Variants in MICAL3 observed in about 807,000 individuals in gnomAD.
MICAL3 encodes microtubule associated monooxygenase, calponin and LIM domain containing 3.
In MICAL3, 62 loss-of-function variants were observed where a neutral mutation model predicts 207.4. That is an observed-to-expected ratio of 0.30 (90% CI 0.24 to 0.37). The LOEUF is 0.37. Ranked by LOEUF, MICAL3 falls within the 10% of genes least tolerant of loss-of-function variation. The pLI is 1.00. For missense variants in MICAL3, 2,368 were observed against 2,635.6 expected, an observed-to-expected ratio of 0.90 and a Z score of 2.22; for synonymous variants, 1,077 against 1,069.3, an observed-to-expected ratio of 1.01 and a Z score of -0.14.
chr22:17,894,966 G>A (rs1930702274), intron 10 of MICAL3, among the ~76,000 whole-genome samples: 1 of 152,132 alleles, frequency 6.6e-6, no homozygotes, highest in Non-Finnish European at 1.5e-5. Context: ...AACAACACAG[G>A]TGGAAGTTAC....
intron 7 of MICAL3, 105 bp from the exon 8 acceptor site, chr22:17,897,086 C>T: frequency 2.2e-6 from 3 of 1,347,796 alleles, no homozygotes; most frequent in South Asian, 2.8e-5. Context: ...CCTAAAGTGA[C>T]TCCACGTTCC....
At chr22:17,954,269 T>A (rs370844288) in intron 1 of MICAL3, among the ~76,000 whole-genome samples, 2 of 152,104 alleles carry the variant, frequency 1.3e-5, no homozygotes. Flanking sequence ...GACCATCGCA[T>A]TGGGGACCTG....
At chr22:17,914,501 G>A (rs1385934384) in intron 1 of MICAL3, among the ~76,000 whole-genome samples, 1 of 152,144 alleles carries the variant, frequency 6.6e-6, no homozygotes, top group East Asian at 1.9e-4. Flanking sequence ...TAGCCATCAT[G>A]AAAAACCACC....
rs1007490806 is a variant in MICAL3 at position 18,024,439 on chromosome 22, C to T, written c.-233G>A. On this transcript the variant is annotated 5_prime_UTR_variant, in exon 1 of 32. Transcript: ENST00000441493. ...AGCCTCGGGGGCTGCACAGCCCAGC[C>T]CCCTCGCCCAGGGCCCAGGGGTTCT... 5.9e-5 allele frequency: 9 copies of T among 152,136 alleles called. No individual in the cohort carries two copies. Among genetic ancestry groups the T allele is most frequent in the Non-Finnish European group, 1.3e-4 (9 of 68,016 alleles). 9.4% of individuals were successfully genotyped at this position (152,136 alleles called of 1,614,324 possible).
chr22:17,816,571 C>A (rs1392537838), intron 27 of MICAL3, 119 bp downstream of exon 27: 5 of 790,574 alleles, frequency 6.3e-6, no homozygotes, highest in Non-Finnish European at 1.0e-5. Context: ...GCTGGCTATG[C>A]GCCACTAGCT....
chr22:17,838,886 A>G (rs1602019462), intron 20 of MICAL3, among the ~76,000 whole-genome samples: 1 of 149,562 alleles, frequency 6.7e-6, no homozygotes, highest in Non-Finnish European at 1.5e-5. Flanking sequence ...AACACCACGC[A>G]CTTCCCGTCC....
intron 1 of MICAL3, among the ~76,000 whole-genome samples, chr22:17,998,049 C>G (rs993968162): frequency 1.3e-5 from 2 of 151,874 alleles, no homozygotes; most frequent in Non-Finnish European, 2.9e-5. Flanking sequence ...CGCCTGTAAT[C>G]TCAGCACTTT....
chr22:17,892,165 C>T (rs1193610871), intron 11 of MICAL3, among the ~76,000 whole-genome samples: 1 of 152,238 alleles, frequency 6.6e-6, no homozygotes, highest in East Asian at 1.9e-4. Flanking sequence ...CCCTGCAGGG[C>T]TCCGCTGACA....
At chr22:17,847,344 G>C (rs554823655) in intron 19 of MICAL3, among the ~76,000 whole-genome samples, 2 of 152,352 alleles carry the variant, frequency 1.3e-5, no homozygotes, top group South Asian at 4.1e-4. Flanking sequence ...AGTCTGACAA[G>C]GACTGAAAGA....
intron 1 of MICAL3, among the ~76,000 whole-genome samples, chr22:17,941,006 G>T (rs140381528): frequency 2.0e-5 from 3 of 152,086 alleles, no homozygotes; most frequent in Non-Finnish European, 4.4e-5. Context: ...CCTAGGCCAC[G>T]GGATGAACCC....
At chr22:17,827,929 A>G (rs1922370290) in intron 21 of MICAL3, 148 bp from the exon 22 acceptor site, 1 of 693,720 alleles carries the variant, frequency 1.4e-6, no homozygotes. Flanking sequence ...ATGTATGCAC[A>G]TGTATACACA....
At chr22:17,842,989 C>T (rs1016193017) in intron 19 of MICAL3, among the ~76,000 whole-genome samples, 4 of 152,002 alleles carry the variant, frequency 2.6e-5, no homozygotes, top group South Asian at 4.2e-4. Flanking sequence ...GGCACGGTGG[C>T]GGGCGCCTGT....
chr22:17,996,136 A>T (rs1378539099), intron 1 of MICAL3, among the ~76,000 whole-genome samples: 2 of 80,832 alleles, frequency 2.5e-5, no homozygotes, highest in Non-Finnish European at 5.9e-5. Flanking sequence ...TCTCAATTTA[A>T]AAAAAAAAAA....
At chr22:18,021,038 G>T (rs1202505683) in intron 1 of MICAL3, among the ~76,000 whole-genome samples, 2 of 152,094 alleles carry the variant, frequency 1.3e-5, no homozygotes, top group African/African-American at 2.4e-5. Context: ...GTGTGAAAAG[G>T]GAATTTATTA....
At position 17,801,396 on chromosome 22, in the gene MICAL3, G is replaced by A. The variant is rs1411124773; in HGVS notation, c.5650+7448C>T. On this transcript the variant is annotated intron_variant, in intron 29 of 31. Transcript: ENST00000441493. Reference sequence around the variant, plus strand: ...TCTCGATCTCCTGACCTCGTGATCCGCCCGCCTCGGCCTCCCAAAGTGCTG... The same window carrying A: ...TCTCGATCTCCTGACCTCGTGATCCACCCGCCTCGGCCTCCCAAAGTGCTG... Among the ~76,000 whole-genome samples, 54 of 49,878 alleles carry A rather than the reference G, an allele frequency of 1.1e-3. 9 individuals carry two copies. The highest frequency in any genetic ancestry group is 5.3e-3 in the Admixed American group (33 of 6,250). The allele number at this position is 49,878 out of a possible 152,430, so 32.7% of individuals were successfully genotyped here. A position where few individuals can be genotyped will look rare whatever the true frequency, so the allele number is the denominator to read the frequency against.
intron 19 of MICAL3, among the ~76,000 whole-genome samples, chr22:17,853,675 GA>G (rs1203464952): frequency 1.3e-5 from 2 of 152,214 alleles, no homozygotes; most frequent in African/African-American, 2.4e-5. Context: ...CAGAGGTTAT[GA>G]CAGCAAGCAT....
At chr22:17,811,004 G>T (rs1043510284) in intron 27 of MICAL3, 191 bp from the exon 28 acceptor site, 3 of 558,766 alleles carry the variant, frequency 5.4e-6, no homozygotes, top group Non-Finnish European at 9.7e-6. Context: ...GAAGGCATGA[G>T]GTCTGCAGAG....
At chr22:17,866,779 T>C (rs566321811) in intron 17 of MICAL3, among the ~76,000 whole-genome samples, 1 of 152,296 alleles carries the variant, frequency 6.6e-6, no homozygotes, top group South Asian at 2.1e-4. Flanking sequence ...TGCATCCCCG[T>C]GGGGGGTGTC....
intron 1 of MICAL3, among the ~76,000 whole-genome samples, chr22:17,908,012 C>T (rs1023199791): frequency 1.3e-5 from 2 of 152,128 alleles, no homozygotes; most frequent in African/African-American, 2.4e-5. Context: ...GATGGCACCG[C>T]GTGTACTCCT....
Sources: gnomAD v4.1 joint callset for allele counts (sites outside exome capture counted in the v4.1 genomes callset) on GRCh38, gnomAD v4.1.1 for gene constraint, MANE v1.5 for transcripts, NCBI Gene and HGNC (gene_info 2026-07-23, HGNC 2026-07-21) for gene names.